Variants in USP6NL observed in about 807,000 individuals in gnomAD.
USP6NL encodes the protein USP6 N-terminal-like protein.
In USP6NL, 26 loss-of-function variants were observed where a neutral mutation model predicts 61.9. The observed-to-expected ratio is 0.42, with a 90% CI of 0.31 to 0.58. The LOEUF is 0.58. Ranked by LOEUF, USP6NL falls within the 20% of genes least tolerant of loss-of-function variation. The pLI, the probability that USP6NL is intolerant of heterozygous loss-of-function variation, is 0.16. For synonymous variants in USP6NL, 432 were observed against 390.1 expected (o/e 1.11, Z -1.27); for missense variants, 1,114 against 1,034.3 (o/e 1.08, Z -1.06).
At chr10:11,569,131 T>A (rs1837270342) in intron 2 of USP6NL, among the ~76,000 whole-genome samples, 1 of 152,254 alleles carries the variant, frequency 6.6e-6, no homozygotes, top group African/African-American at 2.4e-5. Context: ...AATTAGATGC[T>A]ATAACTTTAG....
intron 1 of USP6NL, among the ~76,000 whole-genome samples, chr10:11,610,975 A>C (rs1253621183): frequency 6.6e-6 from 1 of 152,118 alleles, no homozygotes; most frequent in African/African-American, 2.4e-5. Context: ...AGACTTGCAG[A>C]TCTCTCATTC....
chr10:11,481,981 T>G lies in USP6NL; in HGVS notation c.926-59A>C. 1 of 1,483,170 alleles carries G rather than the reference T, an allele frequency of 6.7e-7. No individual in the cohort carries two copies. The highest frequency in any genetic ancestry group is 9.0e-7 in the Non-Finnish European group (1 of 1,111,106). The allele number at this position is 1,483,170 out of a possible 1,614,324, so 91.9% of individuals were successfully genotyped here. ...TCAATAGCTACTTTAGGTAGGAAGATATTCTATTATATTCAGGTGTAGTGT... is the reference window on the plus strand; with the variant it reads ...TCAATAGCTACTTTAGGTAGGAAGAGATTCTATTATATTCAGGTGTAGTGT... On this transcript the variant is annotated intron_variant, in intron 13 of 14. Transcript: ENST00000609104. The surrounding 1 kb of genome is among the most constrained non-coding windows in gnomAD (Gnocchi z 4.4).
intron 2 of USP6NL, among the ~76,000 whole-genome samples, chr10:11,552,566 C>T (rs577015031): frequency 4.3e-4 from 65 of 152,262 alleles, no homozygotes; most frequent in Non-Finnish European, 4.9e-4. Context: ...ACTGCAACCA[C>T]GGGTTTCGTG....
At chr10:11,519,555 G>A (rs1003482178) in intron 4 of USP6NL, among the ~76,000 whole-genome samples, 15 of 152,222 alleles carry the variant, frequency 9.9e-5, no homozygotes, top group Non-Finnish European at 1.9e-4. Context: ...GCTTGAACCC[G>A]GGAGGTGGAG....
In USP6NL at chr10:11,532,118, G is replaced by A; in HGVS notation, c.5-4551C>T. ...TTTACAGCAGACCATTTTTCCTAGA[G>A]TACATTTTGACAGATGAACGTTAAA... On this transcript the variant is annotated intron_variant, in intron 2 of 14. Transcript: ENST00000609104. The surrounding 1 kb of genome is among the most constrained non-coding windows in gnomAD (Gnocchi z 4.1). 8.1e-7 allele frequency: 1 copy of A among 1,232,340 alleles called. No homozygotes were observed. The highest frequency in any genetic ancestry group is 1.4e-5 in the South Asian group (1 of 69,766). The allele number at this position is 1,232,340 out of a possible 1,614,324, so 76.3% of individuals were successfully genotyped here.
intron 6 of USP6NL, among the ~76,000 whole-genome samples, chr10:11,507,932 T>C (rs1834531104): frequency 6.6e-6 from 1 of 152,248 alleles, no homozygotes; most frequent in African/African-American, 2.4e-5. Context: ...CATGATAGTC[T>C]GCCTCTAGAA....
At position 11,485,104 on chromosome 10, in the gene USP6NL, G is replaced by T; in HGVS notation, c.826-34C>A. ...AAAAGCAAAACAAAACAAAAATAGGGTTAACAGCTTCCCCTCACCTTGTAT... is the reference window on the plus strand; with the variant it reads ...AAAAGCAAAACAAAACAAAAATAGGTTTAACAGCTTCCCCTCACCTTGTAT... On this transcript the variant is annotated intron_variant, in intron 12 of 14. Coordinates refer to ENST00000609104, the MANE Select transcript of USP6NL (RefSeq NM_014688.5). This position sits in a 1 kb window ranked among gnomAD's most constrained non-coding sequence, Gnocchi z 4.8. 1 of 1,537,382 alleles carries T rather than the reference G, an allele frequency of 6.5e-7. No homozygotes were observed. The highest frequency in any genetic ancestry group is 8.8e-7 in the Non-Finnish European group (1 of 1,141,452).
chr10:11,475,747 A>G (rs1832946408), intron 14 of USP6NL, among the ~76,000 whole-genome samples: 1 of 152,170 alleles, frequency 6.6e-6, no homozygotes, highest in African/African-American at 2.4e-5. Context: ...GGACATCTCC[A>G]TACAGTGTCA....
At chr10:11,494,577 G>A (rs1833835646) in intron 7 of USP6NL, among the ~76,000 whole-genome samples, 1 of 152,204 alleles carries the variant, frequency 6.6e-6, no homozygotes, top group Admixed American at 6.5e-5. Flanking sequence ...GAGCCCAGTA[G>A]TGGCCCCGAA....
In USP6NL at chr10:11,499,625, G is replaced by A. The variant is rs1181580561; in HGVS notation, c.384+1476C>T. On this transcript the variant is annotated intron_variant, in intron 7 of 14. Coordinates refer to ENST00000609104, the MANE Select transcript of USP6NL (RefSeq NM_014688.5). The surrounding 1 kb of genome is among the most constrained non-coding windows in gnomAD (Gnocchi z 4.5). Reference sequence around the variant, plus strand: ...AAGACAGACACACATTCACAGGAGGGAGGATAGCCAGGTGATAAGGAAGAC... The same window carrying A: ...AAGACAGACACACATTCACAGGAGGAAGGATAGCCAGGTGATAAGGAAGAC... 1.3e-5 allele frequency among the ~76,000 whole-genome samples: 2 copies of A among 152,186 alleles called. No individual in the cohort carries two copies. The highest frequency in any genetic ancestry group is 2.9e-5 in the Non-Finnish European group (2 of 68,032).
At chr10:11,516,307 A>C (rs573047419) in intron 5 of USP6NL, among the ~76,000 whole-genome samples, 1 of 152,346 alleles carries the variant, frequency 6.6e-6, no homozygotes, top group Non-Finnish European at 1.5e-5. Flanking sequence ...AGTCTTCCCC[A>C]ATGGAAATAA....
rs1255160455 is a variant in USP6NL at position 11,561,291 on chromosome 10, T to C, written c.5-33724A>G. 6.6e-6 allele frequency among the ~76,000 whole-genome samples: 1 copy of C among 152,228 alleles called. No individual in the cohort carries two copies. Among genetic ancestry groups the C allele is most frequent in the Non-Finnish European group, 1.5e-5 (1 of 68,032 alleles). ...AATGCATTAAGAAAAGTGAACTCTC[T>C]TCCTCTACACCCCTTCCCAAATGAA... On this transcript the variant is annotated intron_variant, in intron 2 of 14. Transcript: ENST00000609104. This position sits in a 1 kb window ranked among gnomAD's most constrained non-coding sequence, Gnocchi z 4.1.
intron 7 of USP6NL, 56 bp from the exon 8 acceptor site, chr10:11,493,284 C>G: frequency 7.1e-7 from 1 of 1,417,918 alleles, no homozygotes; most frequent in Non-Finnish European, 9.6e-7. Flanking sequence ...TTGTTGAAAA[C>G]TCTATGACAA....
At chr10:11,529,373 T>G (rs1348995613) in intron 2 of USP6NL, among the ~76,000 whole-genome samples, 1 of 152,178 alleles carries the variant, frequency 6.6e-6, no homozygotes, top group Non-Finnish European at 1.5e-5. Context: ...ATAATATGTG[T>G]AAAAAAATCT....
chr10:11,579,377 T>C (rs926830876), intron 2 of USP6NL, among the ~76,000 whole-genome samples: 5 of 152,346 alleles, frequency 3.3e-5, no homozygotes, highest in Non-Finnish European at 7.4e-5. Context: ...TTCCTTAGCA[T>C]AGAGTGTGGC....
intron 2 of USP6NL, among the ~76,000 whole-genome samples, chr10:11,560,714 TTA>T (rs56221814): frequency 0.18 from 25,523 of 141,166 alleles, 2,600 homozygotes; most frequent in South Asian, 0.33. Context: ...TATATATATA[TTA>T]TATATATATA....
rs1164417974 is a variant in USP6NL at position 11,520,856 on chromosome 10, T to TC, written c.156-2283dup. On this transcript the variant is annotated intron_variant, in intron 4 of 14. Coordinates refer to ENST00000609104, the MANE Select transcript of USP6NL (RefSeq NM_014688.5). The surrounding 1 kb of genome is among the most constrained non-coding windows in gnomAD (Gnocchi z 5.2). ...AAGCCAAAGATCCTTCATATCTGGC[T>TC]CTTTAGAGAAAATGTTTGCCAAACC... Among the ~76,000 whole-genome samples, 1 of 152,202 alleles carries TC rather than the reference T, an allele frequency of 6.6e-6. No homozygotes were observed. The highest frequency in any genetic ancestry group is 2.4e-5 in the African/African-American group (1 of 41,452).
In USP6NL at chr10:11,463,686, G is replaced by A; in HGVS notation, c.1242C>T (p.His414=). ...ESGAPHRRHE[H]SPHPQSRTGT... is the part of the protein sequence containing the mutation. ...CGGTCCTGCTCTGGGGGTGCGGGGA[G>A]TGCTCGTGCCTCCTGTGGGGCGCCC... is the stretch of plus-strand genomic sequence containing the variant. Residue 414 remains histidine (H), a synonymous_variant, in exon 15 of 15, where the codon CAC becomes CAT. Coordinates refer to ENST00000609104, the MANE Select transcript of USP6NL (RefSeq NM_014688.5). This position sits in a 1 kb window ranked among gnomAD's most constrained non-coding sequence, Gnocchi z 6.3. 1 of 1,613,704 alleles carries A rather than the reference G, an allele frequency of 6.2e-7. No homozygotes were observed.
chr10:11,462,652 C>T lies in USP6NL; in HGVS notation c.2276G>A (p.Gly759Asp). The T allele has an allele frequency of 6.2e-7, 1 of 1,613,950 alleles. No individual in the cohort carries two copies. The highest frequency in any genetic ancestry group is 8.5e-7 in the Non-Finnish European group (1 of 1,179,886). Residue 759 changes from glycine (G) to aspartate (D), a missense_variant, in exon 15 of 15, where the codon GGC (glycine) becomes GAC (aspartate). By Grantham distance (94) the Gly-to-Asp change is moderately conservative. Coordinates refer to ENST00000609104, the MANE Select transcript of USP6NL (RefSeq NM_014688.5). The part of the protein sequence containing the change: ...GQSWTRDASR[G>D]NLPKYSAFQL... Reference sequence around the variant, plus strand: ...AAAGGCTGAGTATTTTGGTAAATTGCCACGGCTAGCATCTCGGGTCCATGA... The same window carrying T: ...AAAGGCTGAGTATTTTGGTAAATTGTCACGGCTAGCATCTCGGGTCCATGA...
Sources: allele counts gnomAD v4.1 joint callset (sites outside exome capture counted in the v4.1 genomes callset), GRCh38; gene constraint gnomAD v4.1.1; non-coding constraint Gnocchi (gnomAD v3.1); transcripts MANE v1.5; gene names NCBI Gene and HGNC (gene_info 2026-07-23, HGNC 2026-07-21).